CRTC3: variants seen among roughly 807,000 people sequenced by gnomAD.
CRTC3 encodes the protein CREB-regulated transcription coactivator 3.
In CRTC3, 26 loss-of-function variants were observed where a neutral mutation model predicts 74.5. That is an observed-to-expected ratio of 0.35 (90% CI 0.26 to 0.48). The LOEUF is 0.48. Among genes scored for constraint, CRTC3 ranks in the 20% least tolerant of loss-of-function variants. The pLI is 0.99. For synonymous variants in CRTC3, 377 were observed against 325.8 expected (o/e 1.16, Z -1.69); for missense variants, 760 against 787.3 (o/e 0.97, Z 0.41).
At chr15:90,555,327 C>G (rs1966878981) in intron 2 of CRTC3, among the ~76,000 whole-genome samples, 1 of 152,120 alleles carries the variant, frequency 6.6e-6, no homozygotes, top group South Asian at 2.1e-4. Flanking sequence ...GCTACTGTAA[C>G]TTGCCCTGAA....
chr15:90,629,311 C>A lies in CRTC3; in HGVS notation c.1045C>A (p.His349Asn). ...TGTGCTTTCCTCTTCCTTAAATAAC[C>A]ACCCACAGACATCTGTTCCCAACGC... is the stretch of plus-strand genomic sequence containing the variant. ...KTVLSSSLNNHPQTSVPNASA... is the reference protein window; with the variant it reads ...KTVLSSSLNNNPQTSVPNASA... Residue 349 changes from histidine (H) to asparagine (N), a missense_variant, in exon 11 of 15, where the codon CAC (histidine) becomes AAC (asparagine). Physicochemically the swap from His to Asn is moderately conservative, Grantham distance 68 (BLOSUM62 1). Around this residue, in one of 2 missense-constraint regions of CRTC3, gnomAD observed 652 missense variants for 635.2 expected, o/e 1.03. Coordinates refer to ENST00000268184, the MANE Select transcript of CRTC3 (RefSeq NM_022769.5). 6.2e-7 allele frequency: 1 copy of A among 1,614,130 alleles called. No individual in the cohort carries two copies. The highest frequency in any genetic ancestry group is 1.6e-4 in the Middle Eastern group (1 of 6,062).
chr15:90,570,478 G>A lies in CRTC3; in HGVS notation c.232-23158G>A, dbSNP rs190475786. 4.7e-3 allele frequency among the ~76,000 whole-genome samples: 717 copies of A among 152,178 alleles called. 4 individuals carry two copies. Among genetic ancestry groups the A allele is most frequent in the Non-Finnish European group, 7.3e-3 (498 of 68,006 alleles). ...TTACTCTTGACTCCACCACTGTTAG[G>A]GACATCCTCAGTGAAATCCCTGACA... On this transcript the variant is annotated intron_variant, in intron 2 of 14. Transcript: ENST00000268184.
At chr15:90,590,075 G>A (rs1163425748) in intron 2 of CRTC3, among the ~76,000 whole-genome samples, 1 of 151,978 alleles carries the variant, frequency 6.6e-6, no homozygotes, top group Non-Finnish European at 1.5e-5. Context: ...CGGATTGCCT[G>A]AGGTCAGGAG....
chr15:90,615,907 G>A (rs1968481740), intron 7 of CRTC3, among the ~76,000 whole-genome samples: 1 of 151,046 alleles, frequency 6.6e-6, no homozygotes, highest in Non-Finnish European at 1.5e-5. Flanking sequence ...TCGCCAGGCT[G>A]GAGTGCAGTG....
intron 5 of CRTC3, 128 bp downstream of exon 5, chr15:90,604,575 A>C (rs1313828492): frequency 2.8e-6 from 2 of 725,162 alleles, no homozygotes; most frequent in Non-Finnish European, 4.8e-6. Context: ...TTCAAAACAA[A>C]ACCCACCATT....
intron 3 of CRTC3, chr15:90,598,159 A>T: frequency 2.3e-6 from 1 of 425,666 alleles, no homozygotes; most frequent in Admixed American, 3.8e-5. Flanking sequence ...AGCAGGAGAG[A>T]AATGACTGGC....
chr15:90,613,824 C>A lies in CRTC3; in HGVS notation c.578-629C>A, dbSNP rs968608739. On this transcript the variant is annotated intron_variant, in intron 6 of 14. Coordinates refer to ENST00000268184, the MANE Select transcript of CRTC3 (RefSeq NM_022769.5). The stretch of plus-strand genomic sequence containing the variant: ...TTTTAGCTTAGAGCAATAGGAAATA[C>A]TATGCTTTGTCATCTGCAGTATAAT... 2.6e-5 allele frequency: 4 copies of A among 152,202 alleles called. No individual in the cohort carries two copies. The South Asian group carries it at 6.2e-4, about 24-fold the overall frequency. The allele number at this position is 152,202 out of a possible 1,614,324, so 9.4% of individuals were successfully genotyped here. A position where few individuals can be genotyped will look rare whatever the true frequency, so the allele number is the denominator to read the frequency against.
At chr15:90,636,631 T>G (rs992850515) in intron 11 of CRTC3, among the ~76,000 whole-genome samples, 2 of 152,148 alleles carry the variant, frequency 1.3e-5, no homozygotes, top group African/African-American at 4.8e-5. Context: ...AACTACAGAA[T>G]GGGAGAAAAT....
At chr15:90,624,237 C>T (rs925787103) in intron 9 of CRTC3, among the ~76,000 whole-genome samples, 5 of 152,062 alleles carry the variant, frequency 3.3e-5, no homozygotes, top group African/African-American at 1.2e-4. Flanking sequence ...TTCTCCTCCG[C>T]GTCACCCTCA....
chr15:90,552,526 G>A (rs1221208937), intron 2 of CRTC3, among the ~76,000 whole-genome samples: 3 of 138,306 alleles, frequency 2.2e-5, no homozygotes, highest in Non-Finnish European at 1.6e-5. Context: ...GCAGTGACTT[G>A]TGGAAACTCT....
chr15:90,576,461 T>C (rs1967406137), intron 2 of CRTC3, among the ~76,000 whole-genome samples: 1 of 151,438 alleles, frequency 6.6e-6, no homozygotes, highest in South Asian at 2.1e-4. Context: ...TCTAAATATA[T>C]TGAGTTTGAG....
At chr15:90,580,459 C>T (rs1474279590) in intron 2 of CRTC3, among the ~76,000 whole-genome samples, 2 of 150,546 alleles carry the variant, frequency 1.3e-5, no homozygotes, top group Non-Finnish European at 3.0e-5. Context: ...GAGTCTTGCT[C>T]GCTCTGTCAC....
intron 10 of CRTC3, among the ~76,000 whole-genome samples, chr15:90,627,168 C>T (rs1968866932): frequency 1.3e-5 from 2 of 152,224 alleles, no homozygotes; most frequent in South Asian, 4.1e-4. Context: ...CTAATGATTG[C>T]AGTGATGCTG....
At chr15:90,623,960 G>T (rs774636480) in intron 9 of CRTC3, among the ~76,000 whole-genome samples, 1 of 152,152 alleles carries the variant, frequency 6.6e-6, no homozygotes, top group African/African-American at 2.4e-5. Context: ...GAGTTCTTTA[G>T]CCTTTAAACT....
At position 90,530,167 on chromosome 15, in the gene CRTC3, C is replaced by T. The variant is rs1966600807; in HGVS notation, c.96C>T (p.Ala32=). 1.4e-6 allele frequency: 2 copies of T among 1,424,076 alleles called. No individual in the cohort carries two copies. The highest frequency in any genetic ancestry group is 1.2e-5 in the South Asian group (1 of 80,082). 88.2% of individuals were successfully genotyped at this position (1,424,076 alleles called of 1,614,324 possible). A position where few individuals can be genotyped will look rare whatever the true frequency, so the allele number is the denominator to read the frequency against. The change falls in exon 1 of 15, where the codon GCC becomes GCT. Residue 32 remains alanine, a synonymous_variant. Transcript: ENST00000268184. The surrounding 1 kb of genome is among the most constrained non-coding windows in gnomAD (Gnocchi z 6.2). The stretch of plus-strand genomic sequence containing the variant: ...AGAGACAGGCCGAGGAGACGCGGGC[C>T]TTCGAGCAGCTCATGACCGACCTCA... The part of the protein sequence containing the change: ...HTQRQAEETR[A]FEQLMTDLTL...
At chr15:90,626,053 GTGGCCT>G in intron 10 of CRTC3, 60 bp downstream of exon 10, 1 of 1,296,498 alleles carries the variant, frequency 7.7e-7, no homozygotes, top group Non-Finnish European at 1.1e-6. Context: ...CCCCACCCAT[GTGGCCT>G]GTTCAGTGAA....
At chr15:90,636,784 C>T (rs993071269) in intron 11 of CRTC3, among the ~76,000 whole-genome samples, 2 of 152,314 alleles carry the variant, frequency 1.3e-5, no homozygotes, top group South Asian at 4.1e-4. Context: ...ATTTATGCAG[C>T]TAAAAGACAC....
At chr15:90,540,189 C>G (rs1966780927) in intron 2 of CRTC3, 52 bp downstream of exon 2, 1 of 1,192,532 alleles carries the variant, frequency 8.4e-7, no homozygotes, top group African/African-American at 1.5e-5. Context: ...AAAAAATAGA[C>G]AAAGATTATC....
At chr15:90,625,452 A>G (rs1042838860) in intron 9 of CRTC3, among the ~76,000 whole-genome samples, 3 of 152,266 alleles carry the variant, frequency 2.0e-5, no homozygotes, top group Admixed American at 2.0e-4. Context: ...TAGCAAAAAG[A>G]ACTACATAAA....
Sources: allele counts gnomAD v4.1 joint callset (sites outside exome capture counted in the v4.1 genomes callset), GRCh38; gene constraint gnomAD v4.1.1; regional missense constraint gnomAD v4.1.1; non-coding constraint Gnocchi (gnomAD v3.1); transcripts MANE v1.5; gene names NCBI Gene and HGNC (gene_info 2026-07-23, HGNC 2026-07-21).